The following MYO9B variants were observed in gnomAD, a reference collection of about 807,000 sequenced individuals.
MYO9B encodes unconventional myosin-IXb.
MYO9B carries 71 observed loss-of-function variants against 229.5 expected under a neutral mutation model. The observed-to-expected ratio is 0.31, with a 90% CI of 0.26 to 0.38. The LOEUF (loss-of-function observed/expected upper bound fraction) is 0.38, where lower values mean the gene tolerates loss of function less well. Ranked by LOEUF, MYO9B falls within the 10% of genes least tolerant of loss-of-function variation. The pLI is 1.00. For synonymous variants in MYO9B, 1,185 were observed against 1,235.8 expected (o/e 0.96, Z 0.86); for missense variants, 2,255 against 2,920.5 (o/e 0.77, Z 5.25).
At chr19:17,140,919 A>C (rs2072331239) in intron 2 of MYO9B, among the ~76,000 whole-genome samples, 1 of 151,472 alleles carries the variant, frequency 6.6e-6, no homozygotes, top group African/African-American at 2.4e-5. Context: ...CCTGGCCAAC[A>C]TGGTAAAACC....
chr19:17,178,067 C>G (rs1385716359), intron 14 of MYO9B, among the ~76,000 whole-genome samples: 1 of 152,214 alleles, frequency 6.6e-6, no homozygotes, highest in Non-Finnish European at 1.5e-5. Context: ...GGCAGGGCTG[C>G]GGGTGGGCCA....
intron 1 of MYO9B, among the ~76,000 whole-genome samples, chr19:17,099,598 G>C (rs1033512738): frequency 6.6e-6 from 1 of 151,740 alleles, no homozygotes; most frequent in African/African-American, 2.4e-5. Flanking sequence ...GGTGGATCAC[G>C]AGGTCAGGAG....
At position 17,169,802 on chromosome 19, in the gene MYO9B, C is replaced by CTT. The variant is rs762583073; in HGVS notation, c.1793+1766_1793+1767dup. The stretch of plus-strand genomic sequence containing the variant: ...TCATTCATCTCAATCCTGTCTCCTC[C>CTT]TTTTTTTTTTTTTTTTTTTTTTTTT... On this transcript the variant is annotated intron_variant, in intron 11 of 39. Coordinates refer to ENST00000682292, the MANE Select transcript of MYO9B (RefSeq NM_004145.4). 5.6e-3 allele frequency among the ~76,000 whole-genome samples: 594 copies of CTT among 106,602 alleles called. 63 individuals carry two copies. Among genetic ancestry groups the CTT allele is most frequent in the African/African-American group, 0.021 (508 of 24,196 alleles). The allele number at this position is 106,602 out of a possible 152,430, so 69.9% of individuals were successfully genotyped here.
At position 17,206,786 on chromosome 19, in the gene MYO9B, CAAGT is replaced by C; in HGVS notation, c.5492+3_5492+6del. 1 of 1,574,040 alleles carries C rather than the reference CAAGT, an allele frequency of 6.4e-7. No individual in the cohort carries two copies. Among genetic ancestry groups the C allele is most frequent in the Non-Finnish European group, 8.6e-7 (1 of 1,158,682 alleles). On this transcript the variant is annotated splice_donor_5th_base_variant and intron_variant, in intron 34 of 39. Transcript: ENST00000682292. The stretch of plus-strand genomic sequence containing the variant: ...GAGACTCATCTTCCACCTTGTCAAG[CAAGT>C]GCCTCCCCACCTGCCCTCTGTGGGG...
intron 2 of MYO9B, among the ~76,000 whole-genome samples, chr19:17,127,104 C>T (rs558290179): frequency 1.2e-4 from 18 of 147,894 alleles, no homozygotes; most frequent in Admixed American, 2.0e-4. Context: ...CTTTGCCTCC[C>T]AGGTTCAAGC....
chr19:17,098,053 C>G lies in MYO9B; in HGVS notation c.-58-3607C>G, dbSNP rs997974259. ...CCTCTTCATCCTTCAGAACCCCCCC[C>G]CCCCACCTTTTTTTTCTTCACGATG... is the stretch of plus-strand genomic sequence containing the variant. On this transcript the variant is annotated intron_variant, in intron 1 of 39. Transcript: ENST00000682292. Among the ~76,000 whole-genome samples the G allele has an allele frequency of 5.3e-5, 8 of 150,892 alleles. No homozygotes were observed. In the South Asian group the frequency reaches 1.5e-3, roughly 28 times the overall value.
chr19:17,088,184 G>A (rs988191442), intron 1 of MYO9B, among the ~76,000 whole-genome samples: 1 of 152,202 alleles, frequency 6.6e-6, no homozygotes, highest in African/African-American at 2.4e-5. Flanking sequence ...GGGGCTCCAG[G>A]TGTTCCATGG....
intron 5 of MYO9B, 116 bp from the exon 6 acceptor site, chr19:17,154,199 C>T: frequency 7.6e-7 from 1 of 1,315,476 alleles, no homozygotes; most frequent in South Asian, 1.2e-5. Flanking sequence ...ATTAAAAGAA[C>T]CCATTCATTC....
intron 16 of MYO9B, 172 bp from the exon 17 acceptor site, chr19:17,184,693 A>C: frequency 2.6e-6 from 2 of 770,810 alleles, no homozygotes; most frequent in Non-Finnish European, 4.0e-6. Context: ...AACCCACCTC[A>C]TTCCACTGGG....
intron 1 of MYO9B, among the ~76,000 whole-genome samples, chr19:17,085,827 G>A (rs944823325): frequency 6.6e-6 from 1 of 152,110 alleles, no homozygotes; most frequent in African/African-American, 2.4e-5. Context: ...TTTCCTCCGG[G>A]CGTGACGACA....
rs368594606 is a variant in MYO9B at position 17,180,911 on chromosome 19, C to T, written c.2220-16C>T. The T allele has an allele frequency of 6.4e-7, 1 of 1,574,608 alleles. No homozygotes were observed. Among genetic ancestry groups the T allele is most frequent in the Non-Finnish European group, 8.7e-7 (1 of 1,150,488 alleles). On this transcript the variant is annotated splice_polypyrimidine_tract_variant and intron_variant, in intron 14 of 39. Transcript: ENST00000682292. ...TCTTCTTTCTGTCACTGCGCCCCCT[C>T]CACCCCTCCCCTCAGCGATTTGCAT...
chr19:17,121,930 G>A (rs984811010), intron 2 of MYO9B, among the ~76,000 whole-genome samples: 1 of 151,668 alleles, frequency 6.6e-6, no homozygotes, highest in African/African-American at 2.4e-5. Flanking sequence ...AGGTTGTGTT[G>A]AGCCAGGATC....
chr19:17,098,027 T>C (rs945762138), intron 1 of MYO9B, among the ~76,000 whole-genome samples: 1 of 145,984 alleles, frequency 6.9e-6, no homozygotes, highest in Non-Finnish European at 1.5e-5. Flanking sequence ...GTGAACGAAC[T>C]CCTCTTCATC....
chr19:17,164,584 G>C (rs2072639158), intron 10 of MYO9B, among the ~76,000 whole-genome samples: 1 of 152,140 alleles, frequency 6.6e-6, no homozygotes, highest in African/African-American at 2.4e-5. Context: ...GTTTCACCAT[G>C]CTGGCCAGGC....
chr19:17,148,647 T>C (rs145314266), intron 3 of MYO9B, among the ~76,000 whole-genome samples: 2,827 of 152,226 alleles, frequency 0.019, 80 homozygotes, highest in African/African-American at 0.064. Flanking sequence ...GCAGTGGTAC[T>C]ATCTCTGCTC....
intron 30 of MYO9B, 73 bp from the exon 31 acceptor site, chr19:17,205,190 C>G: frequency 1.5e-6 from 2 of 1,293,130 alleles, no homozygotes; most frequent in Non-Finnish European, 2.2e-6. Context: ...GGCCCCCGGC[C>G]AGCTGGGTGG....
intron 15 of MYO9B, 21 bp downstream of exon 15, chr19:17,181,061 C>G (rs2072854526): frequency 6.4e-7 from 1 of 1,559,930 alleles, no homozygotes; most frequent in South Asian, 1.1e-5. Flanking sequence ...CACCAAGGCC[C>G]TGCTTACAAG....
At chr19:17,209,398 A>T (rs1568304640) in intron 35 of MYO9B, among the ~76,000 whole-genome samples, 188 bp from the exon 36 acceptor site, 1 of 152,216 alleles carries the variant, frequency 6.6e-6, no homozygotes, top group Non-Finnish European at 1.5e-5. Flanking sequence ...GACAGGAGAC[A>T]GGCTCAAAGA....
intron 26 of MYO9B, among the ~76,000 whole-genome samples, chr19:17,201,651 G>A (rs1401083379): frequency 6.6e-6 from 1 of 152,144 alleles, no homozygotes. Flanking sequence ...GGAGGGCGCT[G>A]TTGGCATCTG....
Sources: allele counts gnomAD v4.1 joint callset (sites outside exome capture counted in the v4.1 genomes callset), GRCh38; gene constraint gnomAD v4.1.1; transcripts MANE v1.5; gene names NCBI Gene and HGNC (gene_info 2026-07-23, HGNC 2026-07-21).